MATN2: variants seen among roughly 807,000 people sequenced by gnomAD.
MATN2 encodes matrilin 2, also known as matrilin-2.
MATN2 carries 69 observed loss-of-function variants against 103.2 expected under a neutral mutation model. The observed-to-expected ratio is 0.67, with a 90% CI of 0.55 to 0.82. MATN2 has a LOEUF of 0.82. Ranked by LOEUF, MATN2 falls within the 40% of genes least tolerant of loss-of-function variation. The pLI, the probability that MATN2 is intolerant of heterozygous loss-of-function variation, is 0.00. For missense variants in MATN2, 1,023 were observed against 1,211.5 expected (o/e 0.84, Z 2.31); for synonymous variants, 429 against 450.2 (o/e 0.95, Z 0.60).
intron 4 of MATN2, among the ~76,000 whole-genome samples, chr8:97,961,119 T>C (rs1811300791): frequency 1.3e-5 from 2 of 152,112 alleles, no homozygotes; most frequent in South Asian, 4.1e-4. Flanking sequence ...GGCTGAAAAA[T>C]GTGTTTTTAT....
chr8:98,003,148 G>A (rs765201834), intron 7 of MATN2, among the ~76,000 whole-genome samples: 7 of 151,876 alleles, frequency 4.6e-5, no homozygotes, highest in Non-Finnish European at 8.8e-5. Flanking sequence ...TGTGTTCACC[G>A]TCCCCTCATC....
chr8:98,033,895 G>A (rs990057035), intron 18 of MATN2: 14 of 523,734 alleles, frequency 2.7e-5, no homozygotes, highest in Non-Finnish European at 4.1e-5. Context: ...GTTCTCGGGG[G>A]CTTAGCAATA....
intron 8 of MATN2, 39 bp downstream of exon 8, chr8:98,003,822 G>T: frequency 6.2e-7 from 1 of 1,612,328 alleles, no homozygotes; most frequent in Admixed American, 1.7e-5. Context: ...ATGGAAGGTG[G>T]GGTCCACTCA....
In MATN2 at chr8:97,931,285, G is replaced by A; in HGVS notation, c.475G>A (p.Glu159Lys). The A allele has an allele frequency of 6.2e-7, 1 of 1,613,978 alleles. No individual in the cohort carries two copies. Among genetic ancestry groups the A allele is most frequent in the Non-Finnish European group, 8.5e-7 (1 of 1,179,890 alleles). Residue 159 changes from glutamate to lysine, a missense_variant, in exon 3 of 19, where the codon GAG becomes AAG. Glu to Lys is a moderately conservative substitution (Grantham distance 56). Coordinates refer to ENST00000254898, the MANE Select transcript of MATN2 (RefSeq NM_002380.5). The surrounding 1 kb of genome is among the most constrained non-coding windows in gnomAD (Gnocchi z 4.1). ...AGCAGAGGGGGCCCGGCCCCTGAGGGAGAATGTGCCACGGGTCATAATGAT... is the reference window on the plus strand; with the variant it reads ...AGCAGAGGGGGCCCGGCCCCTGAGGAAGAATGTGCCACGGGTCATAATGAT... ...SEAEGARPLR[E>K]NVPRVIMIVT...
chr8:97,898,191 C>T (rs967733241), intron 2 of MATN2, among the ~76,000 whole-genome samples: 2 of 152,148 alleles, frequency 1.3e-5, no homozygotes, highest in African/African-American at 4.8e-5. Flanking sequence ...TGACAGTCAC[C>T]TTTCTTTTCT....
chr8:97,973,628 G>A (rs1419446298), intron 5 of MATN2, among the ~76,000 whole-genome samples: 9 of 147,788 alleles, frequency 6.1e-5, no homozygotes, highest in African/African-American at 2.3e-4. Flanking sequence ...GGAGTGCAGT[G>A]GCATGATCTT....
In MATN2 at chr8:98,025,816, A is replaced by G. The variant is rs537325371; in HGVS notation, c.1943-1600A>G. 9.1e-5 allele frequency: 36 copies of G among 397,588 alleles called. No homozygotes were observed. The Middle Eastern group carries it at 1.4e-3, about 16-fold the overall frequency. The allele number at this position is 397,588 out of a possible 1,614,324, so 24.6% of individuals were successfully genotyped here. On this transcript the variant is annotated intron_variant, in intron 13 of 18. Coordinates refer to ENST00000254898, the MANE Select transcript of MATN2 (RefSeq NM_002380.5). Reference sequence around the variant, plus strand: ...TTTCTTTTGCAGTCCTAAATAACAAAAAGCCTCTCCACACCCAAATTGCTT... The same window carrying G: ...TTTCTTTTGCAGTCCTAAATAACAAGAAGCCTCTCCACACCCAAATTGCTT...
chr8:97,903,985 G>A (rs914571127), intron 2 of MATN2, among the ~76,000 whole-genome samples: 2 of 152,154 alleles, frequency 1.3e-5, no homozygotes, highest in African/African-American at 4.8e-5. Flanking sequence ...GCATTATTGA[G>A]GTAAACTTTA....
At chr8:97,917,278 A>T (rs534648611) in intron 2 of MATN2, among the ~76,000 whole-genome samples, 1 of 152,214 alleles carries the variant, frequency 6.6e-6, no homozygotes, top group South Asian at 2.1e-4. Flanking sequence ...CTGCCAGCAC[A>T]CTCACCTGTC....
At chr8:98,035,120 G>A (rs1814191269) in intron 18 of MATN2, among the ~76,000 whole-genome samples, 3 of 152,238 alleles carry the variant, frequency 2.0e-5, no homozygotes, top group South Asian at 4.1e-4. Context: ...CACTTTGGGA[G>A]GCCGAGGCAG....
At chr8:98,018,395 G>A (rs541929786) in intron 12 of MATN2, among the ~76,000 whole-genome samples, 4 of 152,260 alleles carry the variant, frequency 2.6e-5, no homozygotes, top group East Asian at 3.9e-4. Flanking sequence ...CCGGAAACTC[G>A]CACAGTGCTA....
In MATN2 at chr8:98,003,782, C is replaced by G; in HGVS notation, c.1326C>G (p.Ser442Arg). The part of the protein sequence containing the change: ...YTLDPNGKTC[S>R]RVDHCAQQDH... ...TGGACCCCAATGGCAAAACCTGCAG[C>G]CGTGAGTGTACCCTAGGGGTGGGGT... The change falls in exon 8 of 19, where the codon AGC (serine) becomes AGG (arginine). Residue 442 changes from serine to arginine, a missense_variant and splice_region_variant. Coordinates refer to ENST00000254898, the MANE Select transcript of MATN2 (RefSeq NM_002380.5). 1 of 1,613,806 alleles carries G rather than the reference C, an allele frequency of 6.2e-7. No individual in the cohort carries two copies.
At chr8:97,973,262 C>A (rs925895021) in intron 5 of MATN2, among the ~76,000 whole-genome samples, 4 of 152,164 alleles carry the variant, frequency 2.6e-5, no homozygotes, top group Admixed American at 6.5e-5. Flanking sequence ...CCCAGGAATG[C>A]GTGAATCCTG....
chr8:97,942,396 T>C (rs1197095969), intron 4 of MATN2, among the ~76,000 whole-genome samples: 2 of 152,236 alleles, frequency 1.3e-5, no homozygotes, highest in African/African-American at 4.8e-5. Context: ...GTGTCCTAGA[T>C]TTTAAAAAGG....
chr8:97,876,064 G>A (rs185854657), intron 1 of MATN2, among the ~76,000 whole-genome samples: 1 of 152,036 alleles, frequency 6.6e-6, no homozygotes, highest in Admixed American at 6.6e-5. Context: ...TGTCGCCCAG[G>A]CTGGAGTGCA....
intron 2 of MATN2, among the ~76,000 whole-genome samples, chr8:97,894,797 T>C (rs1450451871): frequency 6.6e-6 from 1 of 152,204 alleles, no homozygotes; most frequent in Non-Finnish European, 1.5e-5. Context: ...AGTTGTTGGC[T>C]GCCTGGAGAA....
intron 2 of MATN2, among the ~76,000 whole-genome samples, chr8:97,910,472 G>A (rs1809373875): frequency 6.6e-6 from 1 of 152,192 alleles, no homozygotes; most frequent in Admixed American, 6.5e-5. Flanking sequence ...GATGATGGTA[G>A]GGTTGAGTAA....
chr8:97,907,255 C>G (rs992071028), intron 2 of MATN2, among the ~76,000 whole-genome samples: 3 of 151,166 alleles, frequency 2.0e-5, no homozygotes, highest in African/African-American at 7.3e-5. Context: ...CCTGCCTCGG[C>G]CCCTTAAACT....
At chr8:97,909,893 C>T (rs1283242315) in intron 2 of MATN2, among the ~76,000 whole-genome samples, 2 of 151,904 alleles carry the variant, frequency 1.3e-5, no homozygotes, top group Non-Finnish European at 2.9e-5. Context: ...AGGCCATTCT[C>T]CTGCCTCAGC....
Sources: gnomAD v4.1 joint callset for allele counts (sites outside exome capture counted in the v4.1 genomes callset) on GRCh38, gnomAD v4.1.1 for gene constraint, Gnocchi (gnomAD v3.1) non-coding constraint, MANE v1.5 for transcripts, NCBI Gene and HGNC (gene_info 2026-07-23, HGNC 2026-07-21) for gene names.